The following UGGT2 variants were observed in gnomAD, a reference collection of about 807,000 sequenced individuals.
UGGT2 encodes the protein UDP-glucose glycoprotein glucosyltransferase 2.
In UGGT2, 180 loss-of-function variants were observed where a neutral mutation model predicts 192.1. The ratio of observed to expected loss-of-function variants is 0.94; its 90% confidence interval spans 0.83 to 1.06. The LOEUF is 1.06. Among genes scored for constraint, UGGT2 ranks in the 50% least tolerant of loss-of-function variants. UGGT2 has a pLI of 0.00. For missense variants in UGGT2, 1,849 were observed against 1,795.7 expected, an observed-to-expected ratio of 1.03 and a Z score of -0.54; for synonymous variants, 580 against 591.0, an observed-to-expected ratio of 0.98 and a Z score of 0.27.
At chr13:95,912,903 G>C (rs2048550539) in intron 20 of UGGT2, among the ~76,000 whole-genome samples, 1 of 152,128 alleles carries the variant, frequency 6.6e-6, no homozygotes, top group South Asian at 2.1e-4. Flanking sequence ...TAGACCAATG[G>C]AACAGAACAG....
chr13:95,941,909 G>C (rs1316642907), intron 15 of UGGT2, among the ~76,000 whole-genome samples: 2 of 152,100 alleles, frequency 1.3e-5, no homozygotes, highest in African/African-American at 4.8e-5. Context: ...TTTTGAATTT[G>C]CATTTATCAT....
intron 20 of UGGT2, among the ~76,000 whole-genome samples, chr13:95,924,601 A>G (rs1211862695): frequency 1.3e-5 from 2 of 152,142 alleles, no homozygotes; most frequent in African/African-American, 2.4e-5. Context: ...AGCACCTTTC[A>G]TACTGAATAG....
At chr13:95,914,003 T>G (rs566244165) in intron 20 of UGGT2, among the ~76,000 whole-genome samples, 1 of 152,090 alleles carries the variant, frequency 6.6e-6, no homozygotes. Context: ...AAATACCACA[T>G]GTTCTCACTC....
intron 12 of UGGT2, among the ~76,000 whole-genome samples, chr13:95,952,820 A>G (rs2050107711): frequency 6.6e-6 from 1 of 152,198 alleles, no homozygotes; most frequent in Non-Finnish European, 1.5e-5. Context: ...TGGCAGTTAA[A>G]TTAACTAAAT....
chr13:96,005,232 G>A (rs1426884090), intron 5 of UGGT2, among the ~76,000 whole-genome samples: 1 of 152,182 alleles, frequency 6.6e-6, no homozygotes, highest in African/African-American at 2.4e-5. Flanking sequence ...GCACCTGTGG[G>A]AAGGTGAACA....
chr13:95,839,967 G>A (rs922199451), intron 36 of UGGT2, among the ~76,000 whole-genome samples: 6 of 151,980 alleles, frequency 3.9e-5, no homozygotes, highest in African/African-American at 1.4e-4. Flanking sequence ...CACATACAAT[G>A]TCTATTTACA....
chr13:95,970,728 G>T (rs2050746423), intron 11 of UGGT2, among the ~76,000 whole-genome samples: 1 of 152,046 alleles, frequency 6.6e-6, no homozygotes, highest in Admixed American at 6.6e-5. Context: ...CATATAATTT[G>T]AAAGTTCTTA....
intron 20 of UGGT2, among the ~76,000 whole-genome samples, chr13:95,919,720 G>T (rs541911143): frequency 2.0e-5 from 3 of 152,208 alleles, no homozygotes; most frequent in African/African-American, 7.2e-5. Flanking sequence ...CAAACAAATG[G>T]AAAAACATTC....
At chr13:96,035,345 A>G (rs1424512972) in intron 1 of UGGT2, among the ~76,000 whole-genome samples, 1 of 152,218 alleles carries the variant, frequency 6.6e-6, no homozygotes, top group Non-Finnish European at 1.5e-5. Flanking sequence ...GTTCTGGGAG[A>G]ACTGGCTAGC....
intron 4 of UGGT2, among the ~76,000 whole-genome samples, chr13:96,020,888 T>C (rs1269167303): frequency 1.3e-5 from 2 of 152,230 alleles, no homozygotes; most frequent in South Asian, 2.1e-4. Context: ...TGGATTCTGA[T>C]AGAAGACATA....
intron 22 of UGGT2, among the ~76,000 whole-genome samples, chr13:95,898,385 C>A (rs1178906527): frequency 6.6e-6 from 1 of 152,106 alleles, no homozygotes; most frequent in African/African-American, 2.4e-5. Context: ...TCTCTTCCTA[C>A]CTGCTATTCT....
chr13:95,970,331 A>G, intron 11 of UGGT2, 69 bp from the exon 12 acceptor site: 1 of 1,405,196 alleles, frequency 7.1e-7, no homozygotes, highest in Non-Finnish European at 9.8e-7. Flanking sequence ...TTAAAGTTTG[A>G]TAGTCTTAAA....
At chr13:95,860,750 T>C in intron 32 of UGGT2, 38 bp downstream of exon 32, 3 of 1,318,888 alleles carry the variant, frequency 2.3e-6, no homozygotes, top group Non-Finnish European at 2.0e-6. Context: ...CATGTAAATA[T>C]TTCTTTTTCA....
chr13:96,019,477 A>G (rs1200116861), intron 4 of UGGT2, among the ~76,000 whole-genome samples: 1 of 152,144 alleles, frequency 6.6e-6, no homozygotes, highest in African/African-American at 2.4e-5. Context: ...TTATCCCTCA[A>G]AGTCACTCAC....
intron 12 of UGGT2, among the ~76,000 whole-genome samples, chr13:95,949,729 T>C (rs2049997467): frequency 1.3e-5 from 2 of 152,174 alleles, no homozygotes; most frequent in Non-Finnish European, 2.9e-5. Context: ...TGTATGAAAA[T>C]TACTCTCCAT....
At chr13:96,050,556 G>A (rs1233529478) in intron 1 of UGGT2, among the ~76,000 whole-genome samples, 2 of 151,994 alleles carry the variant, frequency 1.3e-5, no homozygotes, top group Non-Finnish European at 2.9e-5. Context: ...CTACAGAATG[G>A]GAGAAAATTT....
intron 38 of UGGT2, among the ~76,000 whole-genome samples, chr13:95,811,075 T>C (rs1451538930): frequency 6.6e-6 from 1 of 152,132 alleles, no homozygotes; most frequent in East Asian, 1.9e-4. Context: ...TCAGCCACTA[T>C]GATATTTTTA....
intron 4 of UGGT2, among the ~76,000 whole-genome samples, chr13:96,013,794 A>C (rs1463551282): frequency 6.6e-6 from 1 of 152,086 alleles, no homozygotes; most frequent in Non-Finnish European, 1.5e-5. Flanking sequence ...TTAGGTTATA[A>C]TTTTTCATTA....
intron 1 of UGGT2, among the ~76,000 whole-genome samples, chr13:96,033,432 C>T (rs1056192567): frequency 1.3e-5 from 2 of 152,152 alleles, no homozygotes; most frequent in East Asian, 1.9e-4. Flanking sequence ...CTGTCCGGAC[C>T]CGGACATCCC....
Sources: gnomAD v4.1 joint callset for allele counts (sites outside exome capture counted in the v4.1 genomes callset) on GRCh38, gnomAD v4.1.1 for gene constraint, MANE v1.5 for transcripts, NCBI Gene and HGNC (gene_info 2026-07-23, HGNC 2026-07-21) for gene names.